AKR1B15: variants seen among roughly 807,000 people sequenced by gnomAD.
AKR1B15 encodes aldo-keto reductase family 1 member B15.
A neutral mutation model predicts 38.5 loss-of-function variants in AKR1B15; 49 were observed. The ratio of observed to expected loss-of-function variants is 1.27; its 90% CI spans 1.01 to 1.62. The LOEUF (loss-of-function observed/expected upper bound fraction) is 1.62. Among genes scored for constraint, AKR1B15 ranks in the 40% most tolerant of loss-of-function variants. The pLI is 0.00. For missense variants in AKR1B15, 411 were observed against 381.6 expected, an observed-to-expected ratio of 1.08 and a Z score of -0.64; for synonymous variants, 137 against 135.5, an observed-to-expected ratio of 1.01 and a Z score of -0.08.
At chr7:134,569,624 G>A in intron 5 of AKR1B15, 95 bp downstream of exon 5, 2 of 1,283,952 alleles carry the variant, frequency 1.6e-6, no homozygotes, top group Non-Finnish European at 2.2e-6. Flanking sequence ...CATGGCAGAA[G>A]AACATAAATT....
At chr7:134,570,084 A>G (rs961825874) in intron 5 of AKR1B15, 1 of 153,310 alleles carries the variant, frequency 6.5e-6, no homozygotes, top group African/African-American at 2.4e-5. Flanking sequence ...CAACCCTGAG[A>G]AAGAGAATGC....
intron 2 of AKR1B15, among the ~76,000 whole-genome samples, chr7:134,564,345 A>G (rs533274057): frequency 6.6e-6 from 1 of 152,334 alleles, no homozygotes; most frequent in African/African-American, 2.4e-5. Context: ...ACTGCTGAGA[A>G]AGGAGGGCTC....
chr7:134,578,246 CA>C (rs1239999374), intron 11 of AKR1B15, among the ~76,000 whole-genome samples: 11 of 152,244 alleles, frequency 7.2e-5, no homozygotes, highest in Admixed American at 5.9e-4. Flanking sequence ...TAAAGTAGGG[CA>C]AAGTGGACAG....
chr7:134,568,025 T>C lies in AKR1B15; in HGVS notation c.151-133T>C, dbSNP rs539067191. The C allele has an allele frequency of 6.1e-4, 648 of 1,069,402 alleles. 5 individuals are homozygous for C. In the African/African-American group the frequency reaches 9.5e-3, roughly 16 times the overall value. 66.2% of individuals were successfully genotyped at this position (1,069,402 alleles called of 1,614,324 possible). ...AGAATATGGTGGTTGCTGAGTGTGG[T>C]GTAATTCCAGCTACTCAGGAGTTGG... On this transcript the variant is annotated intron_variant, in intron 3 of 11. Coordinates refer to ENST00000457545, the MANE Select transcript of AKR1B15 (RefSeq NM_001080538.3).
rs1321216383 is a variant in AKR1B15 at position 134,577,792 on chromosome 7, T to G, written c.992+6T>G. The G allele has an allele frequency of 3.1e-6, 5 of 1,613,618 alleles. No homozygotes were observed. Among genetic ancestry groups the G allele is most frequent in the Non-Finnish European group, 3.4e-6 (4 of 1,179,778 alleles). The stretch of plus-strand genomic sequence containing the variant: ...AGGGCCTTTGACTTCAAGGAGTAAG[T>G]GGCATGGAGTTAACTAGAAGAATTG... On this transcript the variant is annotated splice_donor_region_variant and intron_variant, in intron 11 of 11. Coordinates refer to ENST00000457545, the MANE Select transcript of AKR1B15 (RefSeq NM_001080538.3).
rs1174020287 is a variant in AKR1B15, at chr7:134,576,946, G to A, written c.826-17G>A. 1.9e-6 allele frequency: 3 copies of A among 1,607,588 alleles called. No homozygotes were observed. Among genetic ancestry groups the A allele is most frequent in the Admixed American group, 1.7e-5 (1 of 60,010 alleles). ...CCTTGTAGCTGAGTGGAAACATGATGTCCCCTTTCTGCACAGGTTCTGATC... is the reference window on the plus strand; with the variant it reads ...CCTTGTAGCTGAGTGGAAACATGATATCCCCTTTCTGCACAGGTTCTGATC... On this transcript the variant is annotated splice_polypyrimidine_tract_variant and intron_variant, in intron 9 of 11. Transcript: ENST00000457545.
At position 134,571,622 on chromosome 7, in the gene AKR1B15, C is replaced by G; in HGVS notation, c.454C>G (p.Pro152Ala). ...QGFKTGDDFF[P>A]KDDKGNMISG... ...TTTACAGACTGGGGATGACTTTTTC[C>G]CCAAAGATGATAAAGGTAATATGAT... The change falls in exon 6 of 12, where the codon CCC becomes GCC. Residue 152 changes from proline to alanine, a missense_variant. Pro to Ala is a conservative substitution (Grantham distance 27). Coordinates refer to ENST00000457545, the MANE Select transcript of AKR1B15 (RefSeq NM_001080538.3). 6.2e-7 allele frequency: 1 copy of G among 1,613,142 alleles called. No individual in the cohort carries two copies. The highest frequency in any genetic ancestry group is 8.5e-7 in the Non-Finnish European group (1 of 1,179,602).
At chr7:134,577,182 C>T in intron 10 of AKR1B15, 136 bp downstream of exon 10, 1 of 941,466 alleles carries the variant, frequency 1.1e-6, no homozygotes, top group Non-Finnish European at 1.6e-6. Context: ...TTTTCCAGCC[C>T]AGGGAGCTAG....
chr7:134,570,304 G>A (rs1376952690), intron 5 of AKR1B15: 5 of 152,210 alleles, frequency 3.3e-5, no homozygotes, highest in East Asian at 3.9e-4. Flanking sequence ...ATGCATGCCC[G>A]AAACTTCATT....
chr7:134,552,844 G>C (rs142218732), intron 1 of AKR1B15, among the ~76,000 whole-genome samples: 2 of 152,062 alleles, frequency 1.3e-5, no homozygotes, highest in South Asian at 2.1e-4. Context: ...TGGTTACCCC[G>C]AAGTTTTAAA....
intron 4 of AKR1B15, 66 bp from the exon 5 acceptor site, chr7:134,569,347 G>C (rs975625524): frequency 1.3e-6 from 2 of 1,578,418 alleles, no homozygotes; most frequent in Admixed American, 3.4e-5. Context: ...AAAAAGCAGG[G>C]ACAATGAGTA....
rs147050138 is a variant in AKR1B15 at position 134,566,391 on chromosome 7, G to A, written c.150+1622G>A. 7.9e-5 allele frequency among the ~76,000 whole-genome samples: 12 copies of A among 152,278 alleles called. No individual in the cohort carries two copies. The East Asian group carries it at 2.1e-3, about 27-fold the overall frequency. On this transcript the variant is annotated intron_variant, in intron 3 of 11. Transcript: ENST00000457545. The stretch of plus-strand genomic sequence containing the variant: ...TTAACAAGTTCCCTAGGTGGTTCCT[G>A]TACACATTGAAATCTGCAACATGCT...
At chr7:134,560,632 T>A (rs1794359105) in intron 2 of AKR1B15, among the ~76,000 whole-genome samples, 1 of 152,238 alleles carries the variant, frequency 6.6e-6, no homozygotes, top group African/African-American at 2.4e-5. Context: ...ATTTCTTTAT[T>A]CTGTGCATCA....
At chr7:134,549,698 C>T (rs914936991) in intron 1 of AKR1B15, among the ~76,000 whole-genome samples, 1 of 152,160 alleles carries the variant, frequency 6.6e-6, no homozygotes, top group Non-Finnish European at 1.5e-5. Context: ...AGGGGAGCAG[C>T]CAGGAGGGCA....
intron 10 of AKR1B15, 87 bp from the exon 11 acceptor site, chr7:134,577,617 G>A: frequency 3.4e-6 from 5 of 1,451,968 alleles, no homozygotes; most frequent in South Asian, 1.2e-5. Flanking sequence ...GTGAATGTGA[G>A]CTCCCTCCCT....
intron 1 of AKR1B15, among the ~76,000 whole-genome samples, chr7:134,550,230 CTTATT>C (rs1793918194): frequency 6.6e-6 from 1 of 152,150 alleles, no homozygotes; most frequent in Non-Finnish European, 1.5e-5. Flanking sequence ...TGTCTGGACT[CTTATT>C]TTACCTCTTT....
chr7:134,575,772 G>A (rs1276897029), intron 7 of AKR1B15, 49 bp from the exon 8 acceptor site: 1 of 1,604,258 alleles, frequency 6.2e-7, no homozygotes, highest in Non-Finnish European at 8.5e-7. Context: ...TAGGAACAAT[G>A]CAAAACAGAG....
At chr7:134,573,724 A>C (rs1467893478) in intron 6 of AKR1B15, among the ~76,000 whole-genome samples, 4 of 152,198 alleles carry the variant, frequency 2.6e-5, no homozygotes. Context: ...TGGGAAACTT[A>C]TGATTTCATA....
At chr7:134,557,320 C>T (rs994688421) in intron 2 of AKR1B15, among the ~76,000 whole-genome samples, 2 of 152,138 alleles carry the variant, frequency 1.3e-5, no homozygotes, top group African/African-American at 4.8e-5. Flanking sequence ...ATATAACACC[C>T]TTGTTATAAC....
Sources: allele counts gnomAD v4.1 joint callset (sites outside exome capture counted in the v4.1 genomes callset), GRCh38; gene constraint gnomAD v4.1.1; transcripts MANE v1.5; gene names NCBI Gene and HGNC (gene_info 2026-07-23, HGNC 2026-07-21).